SLIRP: variants seen among roughly 807,000 people sequenced by gnomAD.
The protein encoded by SLIRP is SRA stem-loop-interacting RNA-binding protein, mitochondrial.
SLIRP carries 12 observed loss-of-function variants against 13.4 expected under a neutral mutation model. That is an observed-to-expected ratio of 0.89 (90% confidence interval 0.57 to 1.45). The LOEUF is 1.45. SLIRP is among the 40% of genes most tolerant of loss of function. The pLI, the probability that SLIRP is intolerant of heterozygous loss-of-function variation, is 0.00. For missense variants in SLIRP, 154 were observed against 132.2 expected, an observed-to-expected ratio of 1.17 and a Z score of -0.81; for synonymous variants, 55 against 47.1, an observed-to-expected ratio of 1.17 and a Z score of -0.69.
At chr14:77,715,942 TC>T in intron 3 of SLIRP, 63 bp downstream of exon 3, 23 of 1,182,206 alleles carry the variant, frequency 1.9e-5, no homozygotes, top group South Asian at 2.5e-5. Flanking sequence ...TAATTATGTA[TC>T]AATTAAATAG....
intron 2 of SLIRP, among the ~76,000 whole-genome samples, chr14:77,713,357 C>G (rs1475124572): frequency 6.6e-6 from 1 of 152,152 alleles, no homozygotes; most frequent in East Asian, 1.9e-4. Context: ...CACTGAAACC[C>G]TTTTTTCCTT....
chr14:77,717,026 A>C (rs1209031281), intron 3 of SLIRP, among the ~76,000 whole-genome samples: 1 of 152,160 alleles, frequency 6.6e-6, no homozygotes, highest in African/African-American at 2.4e-5. Flanking sequence ...CGGCCTCCCA[A>C]AGTGCTGGGA....
intron 2 of SLIRP, among the ~76,000 whole-genome samples, chr14:77,713,320 G>T (rs1241549728): frequency 6.6e-6 from 1 of 152,114 alleles, no homozygotes; most frequent in African/African-American, 2.4e-5. Context: ...AGGGTGTGAT[G>T]TGAGTACATA....
Position 77,710,828 on chromosome 14 carries a change from T to C in SLIRP, c.98-10T>C. The C allele has an allele frequency of 2.5e-6, 4 of 1,614,066 alleles. No homozygotes were observed. The highest frequency in any genetic ancestry group is 3.4e-6 in the Non-Finnish European group (4 of 1,179,944). ...AGTAACTACTTTTAATGTTTTCTTC[T>C]GCCACACAGGTCAGCTGAAAGAACA... On this transcript the variant is annotated splice_polypyrimidine_tract_variant and intron_variant, in intron 1 of 3. Transcript: ENST00000557342.
intron 1 of SLIRP, among the ~76,000 whole-genome samples, chr14:77,709,503 C>A (rs1332432240): frequency 6.6e-6 from 1 of 152,144 alleles, no homozygotes; most frequent in Non-Finnish European, 1.5e-5. Context: ...ATGCAAGTTT[C>A]CAGACAATAA....
In SLIRP at chr14:77,711,291, T is replaced by C. The variant is rs914607855; in HGVS notation, c.156+395T>C. On this transcript the variant is annotated intron_variant, in intron 2 of 3. Transcript: ENST00000557342. ...CCCAAATAAATATATACACCTACTATACACTCACAAAAATTGTTGAAAAAA... is the reference window on the plus strand; with the variant it reads ...CCCAAATAAATATATACACCTACTACACACTCACAAAAATTGTTGAAAAAA... Among the ~76,000 whole-genome samples the C allele has an allele frequency of 6.0e-5, 9 of 149,920 alleles. No homozygotes were observed. In the East Asian group the frequency reaches 1.2e-3, roughly 19 times the overall value.
intron 2 of SLIRP, among the ~76,000 whole-genome samples, chr14:77,713,615 A>G (rs1365859476): frequency 6.6e-6 from 1 of 152,228 alleles, no homozygotes; most frequent in Non-Finnish European, 1.5e-5. Flanking sequence ...TTTTCTAAGA[A>G]TTTATCCTAC....
At chr14:77,715,237 C>T (rs990925949) in intron 2 of SLIRP, among the ~76,000 whole-genome samples, 7 of 151,926 alleles carry the variant, frequency 4.6e-5, no homozygotes, top group South Asian at 2.1e-4. Context: ...GCTCATGACC[C>T]GTATCTTCTC....
intron 1 of SLIRP, chr14:77,710,573 C>T: frequency 6.8e-7 from 1 of 1,465,806 alleles, no homozygotes. Flanking sequence ...GTCCACATAG[C>T]ACAGTAACTG....
At position 77,717,523 on chromosome 14, in the gene SLIRP, C is replaced by T. The variant is rs1165138901; in HGVS notation, c.292C>T (p.Leu98Phe). ...CCAGGTTCACACTAGAAGGCCAAAA[C>T]TTCCGCAAACATCTGATGATGAAAA... ...KVQVHTRRPK[L>F]PQTSDDEKKD... Residue 98 changes from leucine to phenylalanine, a missense_variant, in exon 4 of 4, where the codon CTT (leucine) becomes TTT (phenylalanine). Transcript: ENST00000557342. 1.2e-6 allele frequency: 2 copies of T among 1,614,112 alleles called. No homozygotes were observed. Among genetic ancestry groups the T allele is most frequent in the Non-Finnish European group, 1.7e-6 (2 of 1,180,006 alleles).
chr14:77,715,808 G>T lies in SLIRP; in HGVS notation c.193G>T (p.Val65Phe), dbSNP rs2080472267. Residue 65 changes from valine to phenylalanine, a missense_variant, in exon 3 of 4, where the codon GTT (valine) becomes TTT (phenylalanine). Coordinates refer to ENST00000557342, the MANE Select transcript of SLIRP (RefSeq NM_031210.6). ...TGGCTTTCACAGAGGTTTGGGTTGG[G>T]TTCAGTTTTCTTCAGAAGAAGGACT... ...ETGFHRGLGW[V>F]QFSSEEGLRN... 1 of 1,613,930 alleles carries T rather than the reference G, an allele frequency of 6.2e-7. No individual in the cohort carries two copies. The highest frequency in any genetic ancestry group is 1.7e-5 in the Admixed American group (1 of 59,990).
At chr14:77,709,547 A>C (rs977700955) in intron 1 of SLIRP, among the ~76,000 whole-genome samples, 2 of 152,204 alleles carry the variant, frequency 1.3e-5, no homozygotes, top group South Asian at 2.1e-4. Flanking sequence ...AAGAGTCAGC[A>C]TTATGTACAG....
chr14:77,709,968 C>T (rs1379574164), intron 1 of SLIRP, among the ~76,000 whole-genome samples: 12 of 152,072 alleles, frequency 7.9e-5, no homozygotes, highest in Admixed American at 7.9e-4. Context: ...GCTGAGGGAG[C>T]TTACAATTAG....
chr14:77,715,930 T>C, intron 3 of SLIRP, 51 bp downstream of exon 3: 1 of 1,296,228 alleles, frequency 7.7e-7, no homozygotes, highest in Non-Finnish European at 1.1e-6. Flanking sequence ...GTAGGTACTA[T>C]TTAATTATGT....
At chr14:77,711,011 G>T (rs1261869599) in intron 2 of SLIRP, 115 bp downstream of exon 2, 3 of 882,860 alleles carry the variant, frequency 3.4e-6, no homozygotes, top group Admixed American at 2.3e-5. Context: ...AATAATAATT[G>T]TACATTTTAA....
Position 77,710,824 on chromosome 14 carries a change from C to A in SLIRP, c.98-14C>A, listed in dbSNP as rs760404154. 3 of 1,613,988 alleles carry A rather than the reference C, an allele frequency of 1.9e-6. No individual in the cohort carries two copies. Among genetic ancestry groups the A allele is most frequent in the Non-Finnish European group, 2.5e-6 (3 of 1,179,912 alleles). On this transcript the variant is annotated splice_polypyrimidine_tract_variant and intron_variant, in intron 1 of 3. Coordinates refer to ENST00000557342, the MANE Select transcript of SLIRP (RefSeq NM_031210.6). ...ATATAGTAACTACTTTTAATGTTTT[C>A]TTCTGCCACACAGGTCAGCTGAAAG...
Sources: allele counts gnomAD v4.1 joint callset (sites outside exome capture counted in the v4.1 genomes callset), GRCh38; gene constraint gnomAD v4.1.1; transcripts MANE v1.5; gene names NCBI Gene and HGNC (gene_info 2026-07-23, HGNC 2026-07-21).